The following BMPR2 variants were observed in gnomAD, a reference collection of about 807,000 sequenced individuals.
BMPR2 encodes bone morphogenetic protein receptor type 2.
A neutral mutation model predicts 100.8 loss-of-function variants in BMPR2; 29 were observed. That is an observed-to-expected ratio of 0.29 (90% CI 0.21 to 0.39). The LOEUF is 0.39. Among genes scored for constraint, BMPR2 ranks in the 10% least tolerant of loss-of-function variants. BMPR2 has a pLI of 1.00. For synonymous variants in BMPR2, 382 were observed against 442.3 expected (o/e 0.86, Z 1.71); for missense variants, 1,011 against 1,274.5 (o/e 0.79, Z 3.15).
intron 1 of BMPR2, among the ~76,000 whole-genome samples, chr2:202,391,364 T>TTC (rs1458697415): frequency 4.0e-5 from 6 of 151,502 alleles, no homozygotes; most frequent in Admixed American, 6.6e-5. Flanking sequence ...AGTGCAGTGG[T>TTC]ATGATCACAG....
Position 202,503,132 on chromosome 2 carries a change from G to T in BMPR2, c.419-10587G>T, listed in dbSNP as rs547915865. Among the ~76,000 whole-genome samples, 194 of 152,340 alleles carry T rather than the reference G, an allele frequency of 1.3e-3. No homozygotes were observed. Among genetic ancestry groups the T allele is most frequent in the African/African-American group, 4.5e-3 (186 of 41,590 alleles). ...AGAGCCCCTTCTTTGCCCCTATCCA[G>T]CAGGAAATAGCTAGAGCGGTCATTG... On this transcript the variant is annotated intron_variant, in intron 3 of 12. Coordinates refer to ENST00000374580, the MANE Select transcript of BMPR2 (RefSeq NM_001204.7). The surrounding 1 kb of genome is among the most constrained non-coding windows in gnomAD (Gnocchi z 4.0).
At chr2:202,446,665 T>G (rs1691855724) in intron 1 of BMPR2, among the ~76,000 whole-genome samples, 1 of 149,514 alleles carries the variant, frequency 6.7e-6, no homozygotes, top group Non-Finnish European at 1.5e-5. Flanking sequence ...CATTTTTTTT[T>G]TTTTGAAACA....
At chr2:202,527,867 A>G (rs1429236532) in intron 7 of BMPR2, among the ~76,000 whole-genome samples, 2 of 152,096 alleles carry the variant, frequency 1.3e-5, no homozygotes, top group African/African-American at 4.8e-5. Flanking sequence ...CTTGACTTAC[A>G]ATGGGATTAC....
chr2:202,438,412 A>T (rs942149262), intron 1 of BMPR2, among the ~76,000 whole-genome samples: 5 of 150,556 alleles, frequency 3.3e-5, no homozygotes, highest in African/African-American at 1.3e-4. Flanking sequence ...CCATTCTGTG[A>T]GTTGTCTTCA....
intron 1 of BMPR2, among the ~76,000 whole-genome samples, chr2:202,432,114 A>G (rs1316163928): frequency 6.6e-6 from 1 of 150,716 alleles, no homozygotes; most frequent in Non-Finnish European, 1.5e-5. Flanking sequence ...GCAAAACAGT[A>G]CAGCAGATTT....
At chr2:202,443,518 T>A (rs2105941254) in intron 1 of BMPR2, among the ~76,000 whole-genome samples, 1 of 150,272 alleles carries the variant, frequency 6.7e-6, no homozygotes, top group South Asian at 2.1e-4. Context: ...TCTCTCTTTC[T>A]TTCCTTTCTT....
chr2:202,415,061 G>T (rs1691097075), intron 1 of BMPR2, among the ~76,000 whole-genome samples: 1 of 152,088 alleles, frequency 6.6e-6, no homozygotes, highest in Admixed American at 6.6e-5. Context: ...ACTGAGAGAG[G>T]TAAGGAAGCT....
At chr2:202,407,017 G>A (rs187292561) in intron 1 of BMPR2, among the ~76,000 whole-genome samples, 5 of 150,666 alleles carry the variant, frequency 3.3e-5, no homozygotes, top group South Asian at 4.2e-4. Context: ...GTGTGATCTC[G>A]GCTCACTGCA....
At chr2:202,419,831 G>A (rs1283334818) in intron 1 of BMPR2, among the ~76,000 whole-genome samples, 1 of 152,056 alleles carries the variant, frequency 6.6e-6, no homozygotes, top group Non-Finnish European at 1.5e-5. Context: ...AAAGCAATAT[G>A]AGAAATTAGA....
At chr2:202,482,360 G>T (rs1559051705) in intron 3 of BMPR2, among the ~76,000 whole-genome samples, 1 of 152,220 alleles carries the variant, frequency 6.6e-6, no homozygotes, top group East Asian at 1.9e-4. Context: ...GCAGAATCAT[G>T]TGATAAAAAT....
intron 3 of BMPR2, among the ~76,000 whole-genome samples, chr2:202,476,247 G>A (rs1314595758): frequency 7.0e-6 from 1 of 142,926 alleles, no homozygotes; most frequent in Non-Finnish European, 1.5e-5. Context: ...GTCTTTTTAG[G>A]ATTTCCAATT....
chr2:202,434,757 A>G (rs1051394177), intron 1 of BMPR2, among the ~76,000 whole-genome samples: 1 of 147,478 alleles, frequency 6.8e-6, no homozygotes, highest in African/African-American at 2.6e-5. Flanking sequence ...CCAAGTAGCT[A>G]GGACTACAAG....
intron 3 of BMPR2, among the ~76,000 whole-genome samples, chr2:202,477,765 C>T (rs189330020): frequency 4.6e-5 from 7 of 151,672 alleles, no homozygotes; most frequent in Non-Finnish European, 8.8e-5. Context: ...CCAGCCTGGG[C>T]GACAGAGTGA....
chr2:202,514,297 C>T (rs1035846497), intron 4 of BMPR2, among the ~76,000 whole-genome samples: 6 of 152,058 alleles, frequency 3.9e-5, no homozygotes, highest in African/African-American at 7.2e-5. Context: ...CCTCCTCGCC[C>T]GGCTAATTTT....
At chr2:202,396,040 C>T (rs1690651323) in intron 1 of BMPR2, among the ~76,000 whole-genome samples, 1 of 152,036 alleles carries the variant, frequency 6.6e-6, no homozygotes, top group Admixed American at 6.6e-5. Context: ...GGAAGAGCAG[C>T]CAGGTGGCAA....
At chr2:202,380,513 A>G (rs748563830) in intron 1 of BMPR2, among the ~76,000 whole-genome samples, 4 of 152,132 alleles carry the variant, frequency 2.6e-5, no homozygotes, top group African/African-American at 4.8e-5. Context: ...TTTTGGCCCT[A>G]TAGTCCAGAT....
intron 1 of BMPR2, among the ~76,000 whole-genome samples, chr2:202,461,629 A>G (rs1450375872): frequency 6.6e-6 from 1 of 152,242 alleles, no homozygotes; most frequent in Non-Finnish European, 1.5e-5. Context: ...AATGCTTATA[A>G]TGACCTGTGC....
Position 202,495,087 on chromosome 2 carries a change from C to T in BMPR2, c.419-18632C>T, listed in dbSNP as rs552256784. On this transcript the variant is annotated intron_variant, in intron 3 of 12. Coordinates refer to ENST00000374580, the MANE Select transcript of BMPR2 (RefSeq NM_001204.7). This position sits in a 1 kb window ranked among gnomAD's most constrained non-coding sequence, Gnocchi z 4.5. ...TTACAGCTCCTGAATCCGCAGTGGGCGTGTGTTACAGGGTGCTCTTTTAGT... is the reference window on the plus strand; with the variant it reads ...TTACAGCTCCTGAATCCGCAGTGGGTGTGTGTTACAGGGTGCTCTTTTAGT... Among the ~76,000 whole-genome samples, 36 of 152,240 alleles carry T rather than the reference C, an allele frequency of 2.4e-4. No individual in the cohort carries two copies. Among genetic ancestry groups the T allele is most frequent in the Non-Finnish European group, 2.8e-4 (19 of 68,034 alleles).
intron 1 of BMPR2, among the ~76,000 whole-genome samples, chr2:202,460,702 A>G (rs958702050): frequency 3.3e-5 from 5 of 152,158 alleles, no homozygotes; most frequent in African/African-American, 4.8e-5. Flanking sequence ...TCATATATCC[A>G]TAATATAATA....
Sources: gnomAD v4.1 joint callset for allele counts (sites outside exome capture counted in the v4.1 genomes callset) on GRCh38, gnomAD v4.1.1 for gene constraint, Gnocchi (gnomAD v3.1) non-coding constraint, MANE v1.5 for transcripts, NCBI Gene and HGNC (gene_info 2026-07-23, HGNC 2026-07-21) for gene names.